The following RBM18 variants were observed in gnomAD, a reference collection of about 807,000 sequenced individuals.
RBM18 encodes probable RNA-binding protein 18.
Under a neutral mutation model 26.4 loss-of-function variants are expected in RBM18, and 18 were observed. The ratio of observed to expected loss-of-function variants is 0.68; its 90% confidence interval spans 0.47 to 1.01. The LOEUF (loss-of-function observed/expected upper bound fraction) is 1.01, where lower values mean the gene tolerates loss of function less well. RBM18 is among the 50% of genes least tolerant of loss of function. RBM18 has a pLI of 0.00. For synonymous variants in RBM18, 74 were observed against 81.1 expected (o/e 0.91, Z 0.47); for missense variants, 180 against 219.2 (o/e 0.82, Z 1.13).
chr9:122,251,676 T>C (rs1200154058), intron 3 of RBM18, among the ~76,000 whole-genome samples, 171 bp downstream of exon 3: 1 of 152,264 alleles, frequency 6.6e-6, no homozygotes, highest in East Asian at 1.9e-4. Context: ...TGAAAGCCAC[T>C]AATTCATTTG....
At chr9:122,255,939 G>C (rs1831689258) in intron 2 of RBM18, among the ~76,000 whole-genome samples, 1 of 152,020 alleles carries the variant, frequency 6.6e-6, no homozygotes, top group Non-Finnish European at 1.5e-5. Context: ...GCTGAGGTGG[G>C]AGGATTGCTT....
chr9:122,241,716 GT>G lies in RBM18; in HGVS notation c.*167del, dbSNP rs1361862491. The stretch of plus-strand genomic sequence containing the variant: ...TGGATGATGCTCAATTCCATACATA[GT>G]TTAGGGAAGAAACATCCATAAGAAC... On this transcript the variant is annotated 3_prime_UTR_variant, in exon 6 of 6. Transcript: ENST00000417201. The G allele has an allele frequency of 1.7e-6, 1 of 588,868 alleles. No homozygotes were observed. Among genetic ancestry groups the G allele is most frequent in the Admixed American group, 3.3e-5 (1 of 30,478 alleles). The allele number at this position is 588,868 out of a possible 1,614,324, so 36.5% of individuals were successfully genotyped here.
At chr9:122,264,239 G>A (rs1308229740) in intron 1 of RBM18, among the ~76,000 whole-genome samples, 1 of 152,178 alleles carries the variant, frequency 6.6e-6, no homozygotes, top group Non-Finnish European at 1.5e-5. Context: ...TCACGAGGTC[G>A]TTGTGAGTCT....
chr9:122,263,967 C>A (rs763285326), intron 1 of RBM18, among the ~76,000 whole-genome samples: 1 of 152,206 alleles, frequency 6.6e-6, no homozygotes, highest in Non-Finnish European at 1.5e-5. Flanking sequence ...TATTCTATAT[C>A]ATAGCCACTT....
In RBM18 at chr9:122,261,488, T is replaced by G; in HGVS notation, c.5A>C (p.Glu2Ala). ...CAGGGGAAGAGTTTTGGTTTCTGCT[T>G]CCATCAATGTCTATGAAATACTAAA... MEAETKTLPLEN... is the reference protein window; with the variant it reads MAAETKTLPLEN... Residue 2 changes from glutamate (E) to alanine (A), a missense_variant, in exon 2 of 6, where the codon GAA becomes GCA. This residue lies in a region of RBM18 where 49 missense variants were observed against 56.6 expected (regional missense o/e 0.87). Transcript: ENST00000417201. 6.2e-7 allele frequency: 1 copy of G among 1,605,482 alleles called. No individual in the cohort carries two copies. Among genetic ancestry groups the G allele is most frequent in the Non-Finnish European group, 8.5e-7 (1 of 1,172,064 alleles).
Position 122,238,054 on chromosome 9 carries a change from T to C in RBM18, c.*3830A>G, listed in dbSNP as rs1355548625. ...ACACTGGACTAGATGTTTGCAGGCC[T>C]GGGTTCTACCTAAAGCTCTCCCATT... On this transcript the variant is annotated 3_prime_UTR_variant, in exon 6 of 6. Transcript: ENST00000417201. 6.6e-6 allele frequency: 1 copy of C among 152,222 alleles called. No homozygotes were observed. Among genetic ancestry groups the C allele is most frequent in the East Asian group, 1.9e-4 (1 of 5,200 alleles). 9.4% of individuals were successfully genotyped at this position (152,222 alleles called of 1,614,324 possible).
rs1831563001 is a variant in RBM18, at chr9:122,249,467, C to T, written c.241-1863G>A. Among the ~76,000 whole-genome samples the T allele has an allele frequency of 3.3e-5, 5 of 152,140 alleles. No homozygotes were observed. In the South Asian group the frequency reaches 1.0e-3, roughly 32 times the overall value. ...GTGGCTCACGCCTGTAATTTCAGCACTTTGGGAGGCCGAAGCAGGCTGGTT... is the reference window on the plus strand; with the variant it reads ...GTGGCTCACGCCTGTAATTTCAGCATTTTGGGAGGCCGAAGCAGGCTGGTT... On this transcript the variant is annotated intron_variant, in intron 3 of 5. Transcript: ENST00000417201.
chr9:122,261,234 A>G, intron 2 of RBM18, 146 bp downstream of exon 2: 1 of 626,960 alleles, frequency 1.6e-6, no homozygotes, highest in East Asian at 2.7e-5. Context: ...ACAAGATAAC[A>G]GGCTAACAAC....
rs766107835 is a variant in RBM18, at chr9:122,261,430, C to T, written c.63G>A (p.Leu21=). 3.1e-6 allele frequency: 5 copies of T among 1,614,072 alleles called. No homozygotes were observed. In the East Asian group the frequency reaches 6.7e-5, roughly 22 times the overall value. ...ENASILSEGS[L]QEGHRLWIGN... ...CAATCCATAATCGGTGTCCTTCCTGCAGAGAGCCCTCTGAAAGGATGGATG... is the reference window on the plus strand; with the variant it reads ...CAATCCATAATCGGTGTCCTTCCTGTAGAGAGCCCTCTGAAAGGATGGATG... Residue 21 remains leucine, a synonymous_variant, in exon 2 of 6, where the codon CTG becomes CTA. Coordinates refer to ENST00000417201, the MANE Select transcript of RBM18 (RefSeq NM_033117.4).
At chr9:122,252,811 C>T (rs1469035487) in intron 2 of RBM18, among the ~76,000 whole-genome samples, 1 of 152,240 alleles carries the variant, frequency 6.6e-6, no homozygotes, top group Non-Finnish European at 1.5e-5. Context: ...CTATTGCTTA[C>T]CACTACTCTG....
At position 122,261,485 on chromosome 9, in the gene RBM18, G is replaced by A; in HGVS notation, c.8C>T (p.Ala3Val). The part of the protein sequence containing the change: ME[A>V]ETKTLPLENA... ...CTCCAGGGGAAGAGTTTTGGTTTCTGCTTCCATCAATGTCTATGAAATACT... is the reference window on the plus strand; with the variant it reads ...CTCCAGGGGAAGAGTTTTGGTTTCTACTTCCATCAATGTCTATGAAATACT... Residue 3 changes from alanine (A) to valine (V), a missense_variant, in exon 2 of 6, where the codon GCA becomes GTA. Around this residue, in one of 3 missense-constraint regions of RBM18, gnomAD observed 49 missense variants for 56.6 expected, o/e 0.87. Coordinates refer to ENST00000417201, the MANE Select transcript of RBM18 (RefSeq NM_033117.4). 6.2e-7 allele frequency: 1 copy of A among 1,610,920 alleles called. No individual in the cohort carries two copies. Among genetic ancestry groups the A allele is most frequent in the Non-Finnish European group, 8.5e-7 (1 of 1,177,014 alleles).
At chr9:122,243,837 G>C in intron 5 of RBM18, 1 of 984,742 alleles carries the variant, frequency 1.0e-6, no homozygotes, top group Non-Finnish European at 1.2e-6. Flanking sequence ...ATTAGGCATA[G>C]ATGTTAATAG....
Position 122,240,493 on chromosome 9 carries a change from G to A in RBM18, c.*1391C>T, listed in dbSNP as rs1831399466. The A allele has an allele frequency of 6.6e-6, 1 of 152,190 alleles. No individual in the cohort carries two copies. The highest frequency in any genetic ancestry group is 6.5e-5 in the Admixed American group (1 of 15,284). The allele number at this position is 152,190 out of a possible 1,614,324, so 9.4% of individuals were successfully genotyped here. On this transcript the variant is annotated 3_prime_UTR_variant, in exon 6 of 6. Transcript: ENST00000417201. ...AATTCATTTATACTCATGGGAAGATGTTAAGTTCCTATATTGAAAGCTTCC... is the reference window on the plus strand; with the variant it reads ...AATTCATTTATACTCATGGGAAGATATTAAGTTCCTATATTGAAAGCTTCC...
chr9:122,263,776 A>C (rs1236093352), intron 1 of RBM18, among the ~76,000 whole-genome samples: 2 of 152,162 alleles, frequency 1.3e-5, no homozygotes. Context: ...GAATAATACC[A>C]ATAGCTATTA....
At chr9:122,254,423 A>G in intron 2 of RBM18, 1 of 297,940 alleles carries the variant, frequency 3.4e-6, no homozygotes, top group Non-Finnish European at 5.0e-6. Context: ...TGGGGACTGC[A>G]GGCTCTGATA....
intron 4 of RBM18, among the ~76,000 whole-genome samples, chr9:122,247,199 A>T (rs1831518388): frequency 6.6e-6 from 1 of 152,152 alleles, no homozygotes; most frequent in Non-Finnish European, 1.5e-5. Context: ...AACTGATTTT[A>T]AAAATAAATA....
chr9:122,249,448 C>T (rs1056006747), intron 3 of RBM18, among the ~76,000 whole-genome samples: 12 of 152,180 alleles, frequency 7.9e-5, no homozygotes, highest in African/African-American at 2.9e-4. Context: ...CATGGTGGCT[C>T]ACGCCTGTAA....
At position 122,254,101 on chromosome 9, in the gene RBM18, T is replaced by A. The variant is rs529054319; in HGVS notation, c.114-2128A>T. ...AACAAAAAAGACAATCTAAGGCTAC[T>A]GTGGGCTGGTCATCTTTTCATTAGC... is the stretch of plus-strand genomic sequence containing the variant. On this transcript the variant is annotated intron_variant, in intron 2 of 5. Transcript: ENST00000417201. Among the ~76,000 whole-genome samples the A allele has an allele frequency of 1.1e-3, 164 of 150,912 alleles. 1 individual carries two copies. Among genetic ancestry groups the A allele is most frequent in the African/African-American group, 3.8e-3 (157 of 41,168 alleles).
chr9:122,251,382 C>T (rs181823157), intron 3 of RBM18, among the ~76,000 whole-genome samples: 14 of 152,104 alleles, frequency 9.2e-5, no homozygotes, highest in South Asian at 2.1e-4. Context: ...AAGGTGAATG[C>T]GCTCTTCTAC....
Sources: allele counts gnomAD v4.1 joint callset (sites outside exome capture counted in the v4.1 genomes callset), GRCh38; gene constraint gnomAD v4.1.1; regional missense constraint gnomAD v4.1.1; transcripts MANE v1.5; gene names NCBI Gene and HGNC (gene_info 2026-07-23, HGNC 2026-07-21).